The following DNAJC14 variants were observed in gnomAD, a reference collection of about 807,000 sequenced individuals.
The protein encoded by DNAJC14 is dnaJ homolog subfamily C member 14.
DNAJC14 carries 12 observed loss-of-function variants against 68.8 expected under a neutral mutation model. That is an observed-to-expected ratio of 0.17 (90% CI 0.11 to 0.28). DNAJC14 has a LOEUF of 0.28. Among genes scored for constraint, DNAJC14 ranks in the 10% least tolerant of loss-of-function variants. The pLI, the probability that DNAJC14 is intolerant of heterozygous loss-of-function variation, is 1.00. For missense variants in DNAJC14, 764 were observed against 875.6 expected, an observed-to-expected ratio of 0.87 and a Z score of 1.61; for synonymous variants, 350 against 321.5, an observed-to-expected ratio of 1.09 and a Z score of -0.95.
chr12:55,828,747 G>A, intron 1 of DNAJC14, 33 bp from the exon 2 acceptor site: 1 of 1,472,436 alleles, frequency 6.8e-7, no homozygotes, highest in Non-Finnish European at 9.0e-7. Flanking sequence ...GACAGTCAAG[G>A]ATGAGACCAA....
rs150458011 is a variant in DNAJC14, at chr12:55,829,554, C to A, written c.-122G>T. 1.7e-4 allele frequency: 164 copies of A among 985,472 alleles called. No homozygotes were observed. In the African/African-American group the frequency reaches 2.5e-3, roughly 15 times the overall value. 61.0% of individuals were successfully genotyped at this position (985,472 alleles called of 1,614,324 possible). A position where few individuals can be genotyped will look rare whatever the true frequency, so the allele number is the denominator to read the frequency against. On this transcript the variant is annotated 5_prime_UTR_variant, in exon 1 of 7. Transcript: ENST00000678005. The stretch of plus-strand genomic sequence containing the variant: ...CTGGGGCCAGGGTGAGCTACGAGAG[C>A]CGCTCTCCCGGCTCCGCCTCCCGCT...
Position 55,822,042 on chromosome 12 carries a change from T to C in DNAJC14, c.2044A>G (p.Thr682Ala), listed in dbSNP as rs898854451. Residue 682 changes from threonine (T) to alanine (A), a missense_variant, in exon 7 of 7, where the codon ACA (threonine) becomes GCA (alanine). Coordinates refer to ENST00000678005, the MANE Select transcript of DNAJC14 (RefSeq NM_032364.6). Reference sequence around the variant, plus strand: ...GGTTTGGCTTCTCCCTTGGGTACTGTGCTGTTGGGCTTAGAGGCTGCAGCG... The same window carrying C: ...GGTTTGGCTTCTCCCTTGGGTACTGCGCTGTTGGGCTTAGAGGCTGCAGCG... ...GAAAASKPNS[T>A]VPKGEAKPKR... The C allele has an allele frequency of 1.2e-6, 2 of 1,613,984 alleles. No homozygotes were observed. The highest frequency in any genetic ancestry group is 2.7e-5 in the African/African-American group (2 of 74,896).
chr12:55,826,771 C>G (rs533788543), intron 2 of DNAJC14, among the ~76,000 whole-genome samples: 1 of 151,118 alleles, frequency 6.6e-6, no homozygotes, highest in Non-Finnish European at 1.5e-5. Context: ...TGCACTCCAG[C>G]CTGGGCGATA....
chr12:55,821,883 C>G lies in DNAJC14; in HGVS notation c.*94G>C. 7.7e-7 allele frequency: 1 copy of G among 1,302,282 alleles called. No individual in the cohort carries two copies. The highest frequency in any genetic ancestry group is 2.4e-5 in the East Asian group (1 of 41,338). The allele number at this position is 1,302,282 out of a possible 1,614,324, so 80.7% of individuals were successfully genotyped here. A position where few individuals can be genotyped will look rare whatever the true frequency, so the allele number is the denominator to read the frequency against. ...AAAATAAAAAGAAAAAGATTCAGTT[C>G]CTAGGTGTTGGGGGAGGAGGGATAA... On this transcript the variant is annotated 3_prime_UTR_variant, in exon 7 of 7. Transcript: ENST00000678005.
At chr12:55,829,226 C>G in intron 1 of DNAJC14, 1 of 954,468 alleles carries the variant, frequency 1.0e-6, no homozygotes, top group Non-Finnish European at 1.2e-6. Flanking sequence ...GCCGGCGGAT[C>G]ACGAGGTCAG....
At chr12:55,826,785 C>A (rs1193618768) in intron 2 of DNAJC14, among the ~76,000 whole-genome samples, 1 of 149,860 alleles carries the variant, frequency 6.7e-6, no homozygotes, top group African/African-American at 2.5e-5. Flanking sequence ...GGCGATAGAG[C>A]GTGACTCCGT....
At position 55,827,523 on chromosome 12, in the gene DNAJC14, G is replaced by C. The variant is rs1880829435; in HGVS notation, c.1136C>G (p.Thr379Ser). The C allele has an allele frequency of 1.9e-6, 3 of 1,606,052 alleles. No homozygotes were observed. The highest frequency in any genetic ancestry group is 2.6e-6 in the Non-Finnish European group (3 of 1,173,222). ...LDSPALQRCLTLLRDSRPWQR... is the reference protein window; with the variant it reads ...LDSPALQRCLSLLRDSRPWQR... ...CCATGGCCTGCTATCTCTCAGCAGA[G>C]TCAAGCAACGCTGCAAGGCTGGAGA... Residue 379 changes from threonine (T) to serine (S), a missense_variant, in exon 2 of 7, where the codon ACT becomes AGT. By Grantham distance (58) the Thr-to-Ser change is moderately conservative. This residue lies in a region of DNAJC14 where 514 missense variants were observed against 521.7 expected (regional missense o/e 0.99). Transcript: ENST00000678005.
intron 1 of DNAJC14, 26 bp from the exon 2 acceptor site, chr12:55,828,740 A>C (rs1228040693): frequency 6.7e-6 from 10 of 1,488,748 alleles, no homozygotes; most frequent in Non-Finnish European, 8.9e-6. Flanking sequence ...AGGTGGAGAC[A>C]GTCAAGGATG....
In DNAJC14 at chr12:55,822,077, G is replaced by A. The variant is rs757957059; in HGVS notation, c.2009C>T (p.Ala670Val). ...CTTAGAGGCTGCAGCGGCTCCAGGG[G>A]CAGGCTGAGGAGCTGCAAAGAAGTT... ...NGNFFAAPQP[A>V]PGAAAASKPN... Residue 670 changes from alanine (A) to valine (V), a missense_variant, in exon 7 of 7, where the codon GCC becomes GTC. Transcript: ENST00000678005. 1 of 1,614,128 alleles carries A rather than the reference G, an allele frequency of 6.2e-7. No individual in the cohort carries two copies. Among genetic ancestry groups the A allele is most frequent in the South Asian group, 1.1e-5 (1 of 91,078 alleles).
At chr12:55,823,576 T>C (rs1880724707) in intron 2 of DNAJC14, 68 bp from the exon 3 acceptor site, 1 of 1,363,490 alleles carries the variant, frequency 7.3e-7, no homozygotes, top group Admixed American at 1.7e-5. Context: ...TTTATTCTCA[T>C]ATCAAAGGGT....
chr12:55,821,880 G>A lies in DNAJC14; in HGVS notation c.*97C>T. ...CAAAAAATAAAAAGAAAAAGATTCA[G>A]TTCCTAGGTGTTGGGGGAGGAGGGA... On this transcript the variant is annotated 3_prime_UTR_variant, in exon 7 of 7. Transcript: ENST00000678005. The A allele has an allele frequency of 7.8e-7, 1 of 1,287,146 alleles. No individual in the cohort carries two copies. The highest frequency in any genetic ancestry group is 1.1e-6 in the Non-Finnish European group (1 of 938,348). The allele number at this position is 1,287,146 out of a possible 1,614,324, so 79.7% of individuals were successfully genotyped here.
At position 55,828,503 on chromosome 12, in the gene DNAJC14, G is replaced by A. The variant is rs763210551; in HGVS notation, c.156C>T (p.Cys52=). ...SAGTAPNGTR[C]LTEHSGPKHT... ...GCTTAGGACCAGAGTGCTCTGTGAG[G>A]CAGCGGGTACCATTAGGAGCAGTCC... Residue 52 remains cysteine, a synonymous_variant, in exon 2 of 7, where the codon TGC becomes TGT. Coordinates refer to ENST00000678005, the MANE Select transcript of DNAJC14 (RefSeq NM_032364.6). 2.5e-6 allele frequency: 4 copies of A among 1,614,144 alleles called. No homozygotes were observed. The highest frequency in any genetic ancestry group is 2.2e-5 in the South Asian group (2 of 91,086).
chr12:55,827,084 AGGAGGCT>A (rs572872205), intron 2 of DNAJC14, among the ~76,000 whole-genome samples, 161 bp downstream of exon 2: 53 of 149,168 alleles, frequency 3.6e-4, no homozygotes, highest in African/African-American at 1.3e-3. Flanking sequence ...CCAGCTACTC[AGGAGGCT>A]GAGGCAGGAG....
At chr12:55,823,814 C>G (rs1469290459) in intron 2 of DNAJC14, among the ~76,000 whole-genome samples, 1 of 150,254 alleles carries the variant, frequency 6.7e-6, no homozygotes, top group Non-Finnish European at 1.5e-5. Context: ...TAGCAATTCT[C>G]CTGCCTCAGC....
intron 5 of DNAJC14, 29 bp from the exon 6 acceptor site, chr12:55,822,504 AC>A: frequency 6.2e-7 from 1 of 1,613,666 alleles, no homozygotes; most frequent in Non-Finnish European, 8.5e-7. Flanking sequence ...ATTAGCCAAA[AC>A]GTCGCAGTTT....
rs1165060770 is a variant in DNAJC14, at chr12:55,822,170, G to A, written c.1916C>T (p.Pro639Leu). ...CAAGAAATCCTGAAGATCAGCAGGAGGGGCATCTGGGGTGGCTCTGAGGTA... is the reference window on the plus strand; with the variant it reads ...CAAGAAATCCTGAAGATCAGCAGGAAGGGCATCTGGGGTGGCTCTGAGGTA... Reference protein sequence around the residue: ...RGRQRATPDAPPADLQDFLSR... With the variant: ...RGRQRATPDALPADLQDFLSR... The change falls in exon 7 of 7, where the codon CCT becomes CTT. Residue 639 changes from proline (P) to leucine (L), a missense_variant. Physicochemically the swap from Pro to Leu is moderately conservative, Grantham distance 98. This residue lies in a region of DNAJC14 where 134 missense variants were observed against 162.3 expected (regional missense o/e 0.83). Transcript: ENST00000678005. 1 of 1,597,400 alleles carries A rather than the reference G, an allele frequency of 6.3e-7. No individual in the cohort carries two copies. Among genetic ancestry groups the A allele is most frequent in the Non-Finnish European group, 8.5e-7 (1 of 1,171,926 alleles).
At chr12:55,823,577 A>T (rs765564408) in intron 2 of DNAJC14, 69 bp from the exon 3 acceptor site, 4 of 1,362,962 alleles carry the variant, frequency 2.9e-6, no homozygotes, top group Non-Finnish European at 3.1e-6. Flanking sequence ...TTATTCTCAT[A>T]TCAAAGGGTT....
Position 55,822,104 on chromosome 12 carries a change from C to T in DNAJC14, c.1982G>A (p.Gly661Glu), listed in dbSNP as rs770416006. 6 of 1,613,880 alleles carry T rather than the reference C, an allele frequency of 3.7e-6. No individual in the cohort carries two copies. Among genetic ancestry groups the T allele is most frequent in the Non-Finnish European group, 5.1e-6 (6 of 1,179,916 alleles). The change falls in exon 7 of 7, where the codon GGG (glycine) becomes GAG (glutamate). Residue 661 changes from glycine to glutamate, a missense_variant. Physicochemically the swap from Gly to Glu is moderately conservative, Grantham distance 98. This residue lies in a region of DNAJC14 where 134 missense variants were observed against 162.3 expected (regional missense o/e 0.83). Coordinates refer to ENST00000678005, the MANE Select transcript of DNAJC14 (RefSeq NM_032364.6). ...FQVPPGQMPNGNFFAAPQPAP... is the reference protein window; with the variant it reads ...FQVPPGQMPNENFFAAPQPAP... ...AGGCTGAGGAGCTGCAAAGAAGTTC[C>T]CATTGGGCATCTGCCCTGGGGGTAC...
In DNAJC14 at chr12:55,823,461, C is replaced by T; in HGVS notation, c.1455G>A (p.Lys485=). Residue 485 remains lysine, a synonymous_variant, in exon 3 of 7, where the codon AAG becomes AAA. Transcript: ENST00000678005. ...CAATGTCCCAAGCTGCTCGCAAAAC[C>T]TTGAAGGCCTCCTCAGCCCGGGGAT... is the stretch of plus-strand genomic sequence containing the variant. ...NHHPRAEEAF[K]VLRAAWDIVS... is the part of the protein sequence containing the mutation. 1 of 1,614,162 alleles carries T rather than the reference C, an allele frequency of 6.2e-7. No homozygotes were observed. Among genetic ancestry groups the T allele is most frequent in the Non-Finnish European group, 8.5e-7 (1 of 1,180,042 alleles).
Sources: gnomAD v4.1 joint callset for allele counts (sites outside exome capture counted in the v4.1 genomes callset) on GRCh38, gnomAD v4.1.1 for gene constraint, gnomAD v4.1.1 regional missense constraint, MANE v1.5 for transcripts, NCBI Gene and HGNC (gene_info 2026-07-23, HGNC 2026-07-21) for gene names.